The following NMUR2 variants were observed in gnomAD, a reference collection of about 807,000 sequenced individuals.
The protein encoded by NMUR2 is neuromedin-U receptor 2.
Under a neutral mutation model 25.1 loss-of-function variants are expected in NMUR2, and 24 were observed. The ratio of observed to expected loss-of-function variants is 0.96; its 90% CI spans 0.69 to 1.34. The LOEUF is 1.34. Ranked by LOEUF, NMUR2 falls within the 40% of genes most tolerant of loss-of-function variation. NMUR2 has a pLI of 0.00. For synonymous variants in NMUR2, 218 were observed against 208.1 expected (o/e 1.05, Z -0.41); for missense variants, 533 against 512.8 (o/e 1.04, Z -0.38).
rs1753197206 is a variant in NMUR2, at chr5:152,398,265, A to G, written c.727-121T>C. The G allele has an allele frequency of 9.0e-6, 6 of 669,300 alleles. No homozygotes were observed. The South Asian group carries it at 1.1e-4, about 12-fold the overall frequency. 41.5% of individuals were successfully genotyped at this position (669,300 alleles called of 1,614,324 possible). A position where few individuals can be genotyped will look rare whatever the true frequency, so the allele number is the denominator to read the frequency against. ...GACAGAAGAACTGAGACCTAGAGAAATGTAAGACTACGTCAAATGTTTAAC... is the reference window on the plus strand; with the variant it reads ...GACAGAAGAACTGAGACCTAGAGAAGTGTAAGACTACGTCAAATGTTTAAC... On this transcript the variant is annotated intron_variant, in intron 1 of 3. Coordinates refer to ENST00000255262, the MANE Select transcript of NMUR2 (RefSeq NM_020167.5).
At chr5:152,400,859 AAAC>A (rs1472536622) in intron 1 of NMUR2, among the ~76,000 whole-genome samples, 16 of 152,218 alleles carry the variant, frequency 1.1e-4, no homozygotes, top group Non-Finnish European at 2.1e-4. Flanking sequence ...TAAAAAAATC[AAAC>A]ATCAAACAAA....
intron 1 of NMUR2, among the ~76,000 whole-genome samples, chr5:152,403,583 A>G (rs1339376363): frequency 1.3e-5 from 2 of 151,742 alleles, no homozygotes; most frequent in Non-Finnish European, 2.9e-5. Flanking sequence ...TTAATTTCAG[A>G]TAAGCTCTTA....
intron 3 of NMUR2, among the ~76,000 whole-genome samples, chr5:152,392,927 A>C (rs1252329268): frequency 6.6e-6 from 1 of 152,216 alleles, no homozygotes; most frequent in Non-Finnish European, 1.5e-5. Flanking sequence ...GCCAAGGCTT[A>C]GTTCCTGCTG....
intron 3 of NMUR2, 113 bp downstream of exon 3, chr5:152,395,346 T>C: frequency 2.5e-6 from 3 of 1,216,206 alleles, no homozygotes; most frequent in Non-Finnish European, 3.5e-6. Flanking sequence ...GTCTTCATTA[T>C]AGCATGGCAG....
chr5:152,398,896 A>G (rs566487135), intron 1 of NMUR2, among the ~76,000 whole-genome samples: 1 of 152,298 alleles, frequency 6.6e-6, no homozygotes, highest in Admixed American at 6.5e-5. Context: ...AAGTATATTC[A>G]TCCTTGTTGG....
chr5:152,397,906 T>G (rs1271637618), intron 2 of NMUR2, among the ~76,000 whole-genome samples, 154 bp downstream of exon 2: 1 of 152,146 alleles, frequency 6.6e-6, no homozygotes, highest in Non-Finnish European at 1.5e-5. Flanking sequence ...TCATTATATA[T>G]CTCTCCCCTT....
chr5:152,398,179 A>C, intron 1 of NMUR2, 35 bp from the exon 2 acceptor site: 13 of 1,476,412 alleles, frequency 8.8e-6, no homozygotes, highest in Non-Finnish European at 1.2e-5. Context: ...GATAGTAAGA[A>C]AGAGAAACAT....
chr5:152,392,603 T>C (rs1239187703), intron 3 of NMUR2, 102 bp from the exon 4 acceptor site: 1 of 865,556 alleles, frequency 1.2e-6, no homozygotes, highest in Non-Finnish European at 1.8e-6. Context: ...TCCCTGTGAT[T>C]GCCTCTTTTA....
In NMUR2 at chr5:152,405,181, A is replaced by G. The variant is rs556117378; in HGVS notation, c.-68T>C. On this transcript the variant is annotated 5_prime_UTR_variant, in exon 1 of 4. Coordinates refer to ENST00000255262, the MANE Select transcript of NMUR2 (RefSeq NM_020167.5). Reference sequence around the variant, plus strand: ...TCAAGCTGAGCCAGGAAAAAAAAAAAAAAAAGAAAAAAGGAAAACAAAAAA... The same window carrying G: ...TCAAGCTGAGCCAGGAAAAAAAAAAGAAAAAGAAAAAAGGAAAACAAAAAA... The G allele has an allele frequency of 4.2e-5, 63 of 1,493,118 alleles. No individual in the cohort carries two copies. The highest frequency in any genetic ancestry group is 1.8e-4 in the South Asian group (13 of 72,526). The allele number at this position is 1,493,118 out of a possible 1,614,324, so 92.5% of individuals were successfully genotyped here.
At chr5:152,395,645 G>A (rs1318256855) in intron 2 of NMUR2, 61 bp from the exon 3 acceptor site, 5 of 1,572,626 alleles carry the variant, frequency 3.2e-6, no homozygotes, top group African/African-American at 1.4e-5. Flanking sequence ...GGTATACAAT[G>A]CTCACTCTGA....
In NMUR2 at chr5:152,404,661, C is replaced by G. The variant is rs749512728; in HGVS notation, c.453G>C (p.Pro151=). 6.2e-7 allele frequency: 1 copy of G among 1,613,854 alleles called. No homozygotes were observed. The highest frequency in any genetic ancestry group is 1.7e-5 in the Admixed American group (1 of 60,018). ...GGGTGCTCTGCAGTTTGGCGCGGAA[C>G]GGGTGTAGGATGGCCACGTAGCGCT... The part of the protein sequence containing the change: ...SVERYVAILH[P]FRAKLQSTRR... The change falls in exon 1 of 4, where the codon CCG becomes CCC. Residue 151 remains proline, a synonymous_variant. Coordinates refer to ENST00000255262, the MANE Select transcript of NMUR2 (RefSeq NM_020167.5).
intron 2 of NMUR2, among the ~76,000 whole-genome samples, chr5:152,397,714 G>T (rs186225507): frequency 6.6e-6 from 1 of 152,116 alleles, no homozygotes; most frequent in East Asian, 1.9e-4. Flanking sequence ...AAGCTCAAAG[G>T]CTGAGAAAGT....
chr5:152,396,737 C>T (rs62394517), intron 2 of NMUR2, among the ~76,000 whole-genome samples: 4,493 of 152,002 alleles, frequency 0.03, 96 homozygotes, highest in Non-Finnish European at 0.045. Flanking sequence ...ACTAAAAATA[C>T]AAAAATCAGC....
chr5:152,399,949 G>T (rs952180709), intron 1 of NMUR2, among the ~76,000 whole-genome samples: 1 of 152,158 alleles, frequency 6.6e-6, no homozygotes, highest in Admixed American at 6.5e-5. Flanking sequence ...GTGCAATAAT[G>T]AAACAAACTG....
intron 3 of NMUR2, 84 bp downstream of exon 3, chr5:152,395,375 A>G: frequency 6.9e-7 from 1 of 1,452,140 alleles, no homozygotes; most frequent in Non-Finnish European, 9.5e-7. Context: ...GATAAATTGG[A>G]GTACTTAGGC....
chr5:152,404,622 G>A lies in NMUR2; in HGVS notation c.492C>T (p.Leu164=), dbSNP rs3749787. 0.21 allele frequency: 339,855 copies of A among 1,613,842 alleles called. 36,524 individuals are homozygous for A. Among genetic ancestry groups the A allele is most frequent in the African/African-American group, 0.26 (19,812 of 74,932 alleles). Residue 164 remains leucine (L), a synonymous_variant, in exon 1 of 4, where the codon CTC becomes CTT. Coordinates refer to ENST00000255262, the MANE Select transcript of NMUR2 (RefSeq NM_020167.5). The stretch of plus-strand genomic sequence containing the variant: ...AGCCCCAGACGATGCCGAGGATCCT[G>A]AGGGCCCGGCGCCGGGTGCTCTGCA... ...AKLQSTRRRA[L]RILGIVWGFS...
At chr5:152,395,999 T>C (rs1753141971) in intron 2 of NMUR2, among the ~76,000 whole-genome samples, 1 of 152,080 alleles carries the variant, frequency 6.6e-6, no homozygotes, top group African/African-American at 2.4e-5. Context: ...CTGCAATGGG[T>C]AGGCAAGGAG....
At chr5:152,402,026 A>C (rs1447298808) in intron 1 of NMUR2, among the ~76,000 whole-genome samples, 1 of 152,192 alleles carries the variant, frequency 6.6e-6, no homozygotes, top group East Asian at 1.9e-4. Flanking sequence ...GAAGGAAGTA[A>C]TTTGGCCTCA....
chr5:152,393,433 T>C (rs1349908423), intron 3 of NMUR2, among the ~76,000 whole-genome samples: 1 of 152,200 alleles, frequency 6.6e-6, no homozygotes, highest in African/African-American at 2.4e-5. Flanking sequence ...GAATGCTATA[T>C]GCCTTGTTTA....
Sources: gnomAD v4.1 joint callset for allele counts (sites outside exome capture counted in the v4.1 genomes callset) on GRCh38, gnomAD v4.1.1 for gene constraint, MANE v1.5 for transcripts, NCBI Gene and HGNC (gene_info 2026-07-23, HGNC 2026-07-21) for gene names.